DPPA3: variants seen among roughly 807,000 people sequenced by gnomAD.
DPPA3 encodes the protein developmental pluripotency associated 3.
A neutral mutation model predicts 15.6 loss-of-function variants in DPPA3; 9 were observed. The ratio of observed to expected loss-of-function variants is 0.58; its 90% CI spans 0.35 to 1.01. DPPA3 has a LOEUF of 1.01. Ranked by LOEUF, DPPA3 falls within the 50% of genes least tolerant of loss-of-function variation. The pLI is 0.02. For missense variants in DPPA3, 148 were observed against 194.6 expected (o/e 0.76, Z 1.42); for synonymous variants, 61 against 70.9 (o/e 0.86, Z 0.70).
intron 1 of DPPA3, 100 bp from the exon 2 acceptor site, chr12:7,715,083 T>G (rs1020516210): frequency 2.6e-6 from 4 of 1,554,206 alleles, no homozygotes; most frequent in Non-Finnish European, 3.5e-6. Flanking sequence ...CTGAGGAATT[T>G]CCCACACAGC....
chr12:7,712,745 CTATTTT>C (rs142367308), intron 1 of DPPA3, among the ~76,000 whole-genome samples: 37,625 of 151,794 alleles, frequency 0.25, 4,787 homozygotes, highest in Non-Finnish European at 0.27. Flanking sequence ...CGCGCCCGTC[CTATTTT>C]TATTTTTATT....
rs149127924 is a variant in DPPA3 at position 7,714,800 on chromosome 12, C to T, written c.83-383C>T. Among the ~76,000 whole-genome samples, 281 of 152,216 alleles carry T rather than the reference C, an allele frequency of 1.8e-3. 1 individual carries two copies. Among genetic ancestry groups the T allele is most frequent in the African/African-American group, 6.0e-3 (250 of 41,550 alleles). On this transcript the variant is annotated intron_variant, in intron 1 of 3. Coordinates refer to ENST00000345088, the MANE Select transcript of DPPA3 (RefSeq NM_199286.4). The stretch of plus-strand genomic sequence containing the variant: ...CGATCTCGGCTCACTGCAAGCTCCA[C>T]CTCCTGGGTTCACACCATTCTCCTG...
At position 7,717,388 on chromosome 12, in the gene DPPA3, A is replaced by G. The variant is rs1369653343; in HGVS notation, c.*311A>G. 8.7e-6 allele frequency: 2 copies of G among 230,060 alleles called. No homozygotes were observed. The highest frequency in any genetic ancestry group is 4.5e-5 in the African/African-American group (2 of 44,246). The allele number at this position is 230,060 out of a possible 1,614,324, so 14.3% of individuals were successfully genotyped here. Reference sequence around the variant, plus strand: ...ACCCAACATCAAGAAATTGAAGCAAAGTTACTTATGGATAAAGAAAGCATT... The same window carrying G: ...ACCCAACATCAAGAAATTGAAGCAAGGTTACTTATGGATAAAGAAAGCATT... On this transcript the variant is annotated 3_prime_UTR_variant, in exon 4 of 4. Transcript: ENST00000345088.
intron 1 of DPPA3, 66 bp downstream of exon 1, chr12:7,711,718 GTCTTT>G: frequency 7.3e-5 from 41 of 559,720 alleles, no homozygotes; most frequent in South Asian, 1.8e-4. Flanking sequence ...AAAGGCTGCC[GTCTTT>G]TTTTTTTTTT....
chr12:7,715,516 C>A, intron 2 of DPPA3, 89 bp downstream of exon 2: 3 of 1,587,802 alleles, frequency 1.9e-6, no homozygotes, highest in Non-Finnish European at 1.7e-6. Context: ...TAGCTCTAGG[C>A]CCGGTGCGGT....
rs1864397844 is a variant in DPPA3 at position 7,716,251 on chromosome 12, TTTTTTC to T, written c.369+18_369+23del. 2 of 1,555,502 alleles carry T rather than the reference TTTTTTC, an allele frequency of 1.3e-6. No homozygotes were observed. Among genetic ancestry groups the T allele is most frequent in the South Asian group, 2.5e-5 (2 of 80,612 alleles). On this transcript the variant is annotated intron_variant, in intron 3 of 3. Transcript: ENST00000345088. Reference sequence around the variant, plus strand: ...CTAAGGGAGTTAAGGTAAGTATAATTTTTTTCTTTTTATTTTCCTTTTTTTTTTTTG... The same window carrying T: ...CTAAGGGAGTTAAGGTAAGTATAATTTTTTTATTTTCCTTTTTTTTTTTTG...
chr12:7,711,690 A>C, intron 1 of DPPA3, 38 bp downstream of exon 1: 2 of 1,074,672 alleles, frequency 1.9e-6, no homozygotes, highest in Non-Finnish European at 1.3e-6. Flanking sequence ...ATCTGACTAT[A>C]GGGGGGTTGG....
In DPPA3 at chr12:7,711,638, C is replaced by G. The variant is rs201819455; in HGVS notation, c.68C>G (p.Ser23Cys). The change falls in exon 1 of 4, where the codon TCC becomes TGC. Residue 23 changes from serine (S) to cysteine (C), a missense_variant. Coordinates refer to ENST00000345088, the MANE Select transcript of DPPA3 (RefSeq NM_199286.4). ...CCACAAATGCTCACCGAAGAAAATT[C>G]CCGGGACGATTCAGGTAAGCCAGAT... ...GSPQMLTEEN[S>C]RDDSGASQIS... 6.2e-7 allele frequency: 1 copy of G among 1,603,800 alleles called. No homozygotes were observed. Among genetic ancestry groups the G allele is most frequent in the African/African-American group, 1.3e-5 (1 of 74,288 alleles).
At chr12:7,712,853 C>T (rs779516965) in intron 1 of DPPA3, among the ~76,000 whole-genome samples, 237 of 152,306 alleles carry the variant, frequency 1.6e-3, no homozygotes, top group African/African-American at 5.5e-3. Context: ...GGACTGCAGG[C>T]GTGCGCCACC....
rs1364992775 is a variant in DPPA3 at position 7,711,484 on chromosome 12, C to A, written c.-87C>A. 3 of 1,283,554 alleles carry A rather than the reference C, an allele frequency of 2.3e-6. No homozygotes were observed. Among genetic ancestry groups the A allele is most frequent in the East Asian group, 2.6e-5 (1 of 37,986 alleles). The allele number at this position is 1,283,554 out of a possible 1,614,324, so 79.5% of individuals were successfully genotyped here. A position where few individuals can be genotyped will look rare whatever the true frequency, so the allele number is the denominator to read the frequency against. ...CTCCGGTTTTCAGCCTCTTTCCGGG[C>A]TACCTGGTAGCAATTTGAGGCTCTG... On this transcript the variant is annotated 5_prime_UTR_variant, in exon 1 of 4. Transcript: ENST00000345088.
chr12:7,716,780 C>T (rs1341093892), intron 3 of DPPA3, among the ~76,000 whole-genome samples, 187 bp from the exon 4 acceptor site: 1 of 152,162 alleles, frequency 6.6e-6, no homozygotes, highest in African/African-American at 2.4e-5. Context: ...CACAAGCTGC[C>T]ATTCTGTGGT....
rs1201295949 is a variant in DPPA3 at position 7,715,423 on chromosome 12, G to A, written c.323G>A (p.Arg108His). Residue 108 changes from arginine to histidine, a missense_variant, in exon 2 of 4, where the codon CGT becomes CAT. By Grantham distance (29) the Arg-to-His change is conservative. Coordinates refer to ENST00000345088, the MANE Select transcript of DPPA3 (RefSeq NM_199286.4). ...RLRYMLLGGV[R>H]THERRPTNKE... ...AGATACATGTTACTCGGCGGAGTTC[G>A]TACGGTATGTTGATGTGATGTGGCC... 3 of 1,613,880 alleles carry A rather than the reference G, an allele frequency of 1.9e-6. No homozygotes were observed. The highest frequency in any genetic ancestry group is 2.5e-6 in the Non-Finnish European group (3 of 1,179,900).
At position 7,716,246 on chromosome 12, in the gene DPPA3, A is replaced by C; in HGVS notation, c.369+7A>C. On this transcript the variant is annotated splice_region_variant and intron_variant, in intron 3 of 3. Transcript: ENST00000345088. ...GGAGCCTAAGGGAGTTAAGGTAAGT[A>C]TAATTTTTTTCTTTTTATTTTCCTT... is the stretch of plus-strand genomic sequence containing the variant. 1 of 1,565,354 alleles carries C rather than the reference A, an allele frequency of 6.4e-7. No individual in the cohort carries two copies. Among genetic ancestry groups the C allele is most frequent in the East Asian group, 2.3e-5 (1 of 44,256 alleles).
intron 1 of DPPA3, among the ~76,000 whole-genome samples, chr12:7,713,090 A>G (rs1351324534): frequency 6.6e-6 from 1 of 152,214 alleles, no homozygotes; most frequent in African/African-American, 2.4e-5. Context: ...TTCTTACAGC[A>G]GCACCCAAGC....
chr12:7,715,134 G>A (rs1187314457), intron 1 of DPPA3, 49 bp from the exon 2 acceptor site: 1 of 1,611,166 alleles, frequency 6.2e-7, no homozygotes, highest in Non-Finnish European at 8.5e-7. Context: ...GTTGATGTGT[G>A]AATGTTGAAG....
intron 2 of DPPA3, 82 bp downstream of exon 2, chr12:7,715,509 C>T: frequency 6.3e-7 from 1 of 1,598,784 alleles, no homozygotes; most frequent in Middle Eastern, 1.7e-4. Context: ...GACTCCCTAG[C>T]TCTAGGCCCG....
rs935184728 is a variant in DPPA3 at position 7,711,749 on chromosome 12, T to A, written c.82+97T>A. 704 of 764,950 alleles carry A rather than the reference T, an allele frequency of 9.2e-4. 3 individuals are homozygous for A. The highest frequency in any genetic ancestry group is 1.1e-3 in the Non-Finnish European group (566 of 528,094). 47.4% of individuals were successfully genotyped at this position (764,950 alleles called of 1,614,324 possible). A position where few individuals can be genotyped will look rare whatever the true frequency, so the allele number is the denominator to read the frequency against. On this transcript the variant is annotated intron_variant, in intron 1 of 3. Coordinates refer to ENST00000345088, the MANE Select transcript of DPPA3 (RefSeq NM_199286.4). Reference sequence around the variant, plus strand: ...TTTTTTTTTTTTTTTTTTTTTTTTTTAATGTTGACTTCAGTCTTTGCAAGA... The same window carrying A: ...TTTTTTTTTTTTTTTTTTTTTTTTTAAATGTTGACTTCAGTCTTTGCAAGA...
At chr12:7,716,279 T>TTTTGGCTATA in intron 3 of DPPA3, 40 bp downstream of exon 3, 3 of 1,474,794 alleles carry the variant, frequency 2.0e-6, no homozygotes, top group Non-Finnish European at 2.7e-6. Context: ...CTTTTTTTTT[T>TTTTGGCTATA]TTGGCTATAT....
At position 7,717,254 on chromosome 12, in the gene DPPA3, T is replaced by A; in HGVS notation, c.*177T>A. On this transcript the variant is annotated 3_prime_UTR_variant, in exon 4 of 4. Transcript: ENST00000345088. ...AGTAATTCATAAGGGATCTGTGTAA[T>A]CTGAATGTATTTGAATAACTTTAGC... The A allele has an allele frequency of 1.8e-6, 1 of 557,554 alleles. No homozygotes were observed. The highest frequency in any genetic ancestry group is 3.2e-6 in the Non-Finnish European group (1 of 314,720). The allele number at this position is 557,554 out of a possible 1,614,324, so 34.5% of individuals were successfully genotyped here. A position where few individuals can be genotyped will look rare whatever the true frequency, so the allele number is the denominator to read the frequency against.
Sources: gnomAD v4.1 joint callset for allele counts (sites outside exome capture counted in the v4.1 genomes callset) on GRCh38, gnomAD v4.1.1 for gene constraint, MANE v1.5 for transcripts, NCBI Gene and HGNC (gene_info 2026-07-23, HGNC 2026-07-21) for gene names.